Variants in CHAT observed in about 807,000 individuals in gnomAD.
The protein encoded by CHAT is choline O-acetyltransferase, also known as acetyl CoA:choline O-acetyltransferase.
CHAT carries 61 observed loss-of-function variants against 76.9 expected under a neutral mutation model. The observed-to-expected ratio is 0.79, with a 90% CI of 0.65 to 0.98. The LOEUF is 0.98. Ranked by LOEUF, CHAT falls within the 50% of genes least tolerant of loss-of-function variation. CHAT has a pLI of 0.00. For missense variants in CHAT, 946 were observed against 986.9 expected, an observed-to-expected ratio of 0.96 and a Z score of 0.56; for synonymous variants, 407 against 397.4, an observed-to-expected ratio of 1.02 and a Z score of -0.29.
chr10:49,643,719 C>T (rs545776571), intron 7 of CHAT, among the ~76,000 whole-genome samples: 24 of 152,336 alleles, frequency 1.6e-4, no homozygotes, highest in Admixed American at 1.3e-3. Flanking sequence ...TGGCCTTTCC[C>T]CTTCCCATTA....
chr10:49,660,264 C>T (rs1013938178), intron 13 of CHAT, among the ~76,000 whole-genome samples: 1 of 152,038 alleles, frequency 6.6e-6, no homozygotes, highest in Non-Finnish European at 1.5e-5. Context: ...CACGGTGAAA[C>T]CCCATCTCTA....
upstream of CHAT, chr10:49,611,188 A>G (rs1443062130): frequency 1.9e-6 from 3 of 1,614,122 alleles, no homozygotes; most frequent in South Asian, 2.2e-5. Context: ...CGACCGCATG[A>G]GCTACGACGT....
Position 49,616,490 on chromosome 10 carries a change from C to T in CHAT, c.287-12C>T, listed in dbSNP as rs1376863927. On this transcript the variant is annotated splice_polypyrimidine_tract_variant and intron_variant, in intron 1 of 14. Transcript: ENST00000337653. The stretch of plus-strand genomic sequence containing the variant: ...GCTGCTGTGTTGATGCTTCCCACTT[C>T]TTGGTCCCCAGGTCCACACCTCTGC... The T allele has an allele frequency of 1.2e-6, 2 of 1,603,396 alleles. No homozygotes were observed.
chr10:49,616,560 C>T lies in CHAT; in HGVS notation c.345C>T (p.Val115=), dbSNP rs917815714. Residue 115 remains valine (V), a synonymous_variant, in exon 2 of 15, where the codon GTC becomes GTT. Coordinates refer to ENST00000337653, the MANE Select transcript of CHAT (RefSeq NM_020549.5). ...GLTKTPILEK[V]PRKMAAKTPS... ...CCAAGACGCCCATCCTGGAAAAGGT[C>T]CCCCGTAAGATGGCAGCAAAAACTC... The T allele has an allele frequency of 6.2e-7, 1 of 1,613,082 alleles. No individual in the cohort carries two copies. Among genetic ancestry groups the T allele is most frequent in the East Asian group, 2.2e-5 (1 of 44,834 alleles).
At chr10:49,616,091 A>C in intron 1 of CHAT, 1 of 1,613,076 alleles carries the variant, frequency 6.2e-7, no homozygotes, top group Non-Finnish European at 8.5e-7. Context: ...TGAGCACAGT[A>C]GGTATGGTCT....
In CHAT at chr10:49,614,161, A is replaced by G; in HGVS notation, c.-29A>G. On this transcript the variant is annotated 5_prime_UTR_variant, in exon 1 of 15. Coordinates refer to ENST00000337653, the MANE Select transcript of CHAT (RefSeq NM_020549.5). ...GGTAGATTCTGGGGGCCGGGAGCTGAGATCCCTGGGCGGGGAGCTGGGGAA... is the reference window on the plus strand; with the variant it reads ...GGTAGATTCTGGGGGCCGGGAGCTGGGATCCCTGGGCGGGGAGCTGGGGAA... 5.9e-6 allele frequency: 9 copies of G among 1,527,622 alleles called. No individual in the cohort carries two copies. Among genetic ancestry groups the G allele is most frequent in the Non-Finnish European group, 7.9e-6 (9 of 1,141,840 alleles). The allele number at this position is 1,527,622 out of a possible 1,614,324, so 94.6% of individuals were successfully genotyped here.
intron 14 of CHAT, among the ~76,000 whole-genome samples, chr10:49,664,218 A>G (rs1840282604): frequency 6.6e-6 from 1 of 152,220 alleles, no homozygotes. Flanking sequence ...GATTCAAAAC[A>G]TACTAGGTGC....
rs1310601549 is a variant in CHAT at position 49,616,487 on chromosome 10, C to G, written c.287-15C>G. 1.3e-6 allele frequency: 2 copies of G among 1,599,990 alleles called. No homozygotes were observed. The highest frequency in any genetic ancestry group is 3.4e-5 in the Admixed American group (2 of 59,290). ...GTGGCTGCTGTGTTGATGCTTCCCACTTCTTGGTCCCCAGGTCCACACCTC... is the reference window on the plus strand; with the variant it reads ...GTGGCTGCTGTGTTGATGCTTCCCAGTTCTTGGTCCCCAGGTCCACACCTC... On this transcript the variant is annotated splice_polypyrimidine_tract_variant and intron_variant, in intron 1 of 14. Coordinates refer to ENST00000337653, the MANE Select transcript of CHAT (RefSeq NM_020549.5).
chr10:49,629,795 G>T (rs150496555), intron 7 of CHAT, among the ~76,000 whole-genome samples: 2,217 of 152,334 alleles, frequency 0.015, 28 homozygotes, highest in Non-Finnish European at 0.021. Flanking sequence ...TACACAACAG[G>T]AAACTGATCC....
upstream of CHAT, chr10:49,610,937 G>A (rs764453365): frequency 1.2e-6 from 2 of 1,610,440 alleles, no homozygotes; most frequent in African/African-American, 1.3e-5. Flanking sequence ...CACATGCGCG[G>A]GGGCGGCGAG....
At chr10:49,611,900 T>C, upstream of CHAT, 1 of 1,611,608 alleles carries the variant, frequency 6.2e-7, no homozygotes, top group Non-Finnish European at 8.5e-7. Flanking sequence ...GTGGTCTCAC[T>C]ATGCGGCCTC....
intron 7 of CHAT, among the ~76,000 whole-genome samples, chr10:49,640,890 G>A (rs918392060): frequency 1.4e-4 from 22 of 152,190 alleles, no homozygotes; most frequent in African/African-American, 4.1e-4. Flanking sequence ...GTGTTTTTAC[G>A]TTGCTGGGTT....
chr10:49,655,516 C>T, intron 13 of CHAT, 68 bp downstream of exon 13: 1 of 1,496,246 alleles, frequency 6.7e-7, no homozygotes, highest in Non-Finnish European at 9.3e-7. Flanking sequence ...AGAATGGGCA[C>T]CACGGCATAA....
chr10:49,664,290 C>T (rs1317337189), intron 14 of CHAT, among the ~76,000 whole-genome samples: 1 of 152,182 alleles, frequency 6.6e-6, no homozygotes, highest in Non-Finnish European at 1.5e-5. Context: ...CATGGCCAGG[C>T]TGCAGGGAGA....
chr10:49,664,670 G>C (rs1840297483), intron 14 of CHAT, 107 bp from the exon 15 acceptor site: 12 of 1,318,932 alleles, frequency 9.1e-6, no homozygotes, highest in Admixed American at 1.7e-5. Flanking sequence ...CACTTGATTT[G>C]GTTAATTCAG....
chr10:49,662,698 C>G lies in CHAT; in HGVS notation c.1893C>G (p.Ala631=), dbSNP rs1301138594. ...DNHLLALREL[A]RAMCKELPEM... ...ACCTGCTGGCACTGCGGGAGCTGGC[C>G]CGGGCCATGTGCAAGGAGCTGCCCG... The change falls in exon 14 of 15, where the codon GCC becomes GCG. Residue 631 remains alanine (A), a synonymous_variant. Coordinates refer to ENST00000337653, the MANE Select transcript of CHAT (RefSeq NM_020549.5). The G allele has an allele frequency of 6.2e-7, 1 of 1,614,078 alleles. No homozygotes were observed. Among genetic ancestry groups the G allele is most frequent in the African/African-American group, 1.3e-5 (1 of 74,918 alleles).
intron 7 of CHAT, among the ~76,000 whole-genome samples, chr10:49,642,647 C>G (rs1839523006): frequency 6.6e-6 from 1 of 152,272 alleles, no homozygotes; most frequent in Non-Finnish European, 1.5e-5. Context: ...CTGCTCTCAG[C>G]CTCCTGACTG....
intron 7 of CHAT, among the ~76,000 whole-genome samples, chr10:49,644,232 G>C (rs1417447619): frequency 6.6e-6 from 1 of 152,208 alleles, no homozygotes; most frequent in South Asian, 2.1e-4. Flanking sequence ...TGAGGAGATG[G>C]GATGTCCACA....
At chr10:49,634,539 G>A (rs563280883) in intron 7 of CHAT, among the ~76,000 whole-genome samples, 11 of 152,294 alleles carry the variant, frequency 7.2e-5, no homozygotes, top group African/African-American at 2.6e-4. Context: ...GAACTCTGTG[G>A]TGCATTTTGC....
Sources: gnomAD v4.1 joint callset for allele counts (sites outside exome capture counted in the v4.1 genomes callset) on GRCh38, gnomAD v4.1.1 for gene constraint, MANE v1.5 for transcripts, NCBI Gene and HGNC (gene_info 2026-07-23, HGNC 2026-07-21) for gene names.